Variants in ABHD17B observed in about 807,000 individuals in gnomAD.
ABHD17B encodes abhydrolase domain containing 17B, depalmitoylase.
A neutral mutation model predicts 26.2 loss-of-function variants in ABHD17B; 9 were observed. The ratio of observed to expected loss-of-function variants is 0.34; its 90% CI spans 0.21 to 0.60. The LOEUF (loss-of-function observed/expected upper bound fraction) is 0.60, where lower values mean the gene tolerates loss of function less well. Ranked by LOEUF, ABHD17B falls within the 20% of genes least tolerant of loss-of-function variation. ABHD17B has a pLI of 0.80. For synonymous variants in ABHD17B, 127 were observed against 122.3 expected, an observed-to-expected ratio of 1.04 and a Z score of -0.25; for missense variants, 224 against 352.1, an observed-to-expected ratio of 0.64 and a Z score of 2.91.
In ABHD17B at chr9:71,865,330, T is replaced by C. The variant is rs780947654; in HGVS notation, c.*1457A>G. 1.0e-6 allele frequency: 1 copy of C among 984,714 alleles called. No homozygotes were observed. Among genetic ancestry groups the C allele is most frequent in the Middle Eastern group, 5.2e-4 (1 of 1,912 alleles). 61.0% of individuals were successfully genotyped at this position (984,714 alleles called of 1,614,324 possible). A position where few individuals can be genotyped will look rare whatever the true frequency, so the allele number is the denominator to read the frequency against. On this transcript the variant is annotated 3_prime_UTR_variant, in exon 4 of 4. Transcript: ENST00000333421. ...ATATCCACAGTGTGTATTATTTCCATATTCATTCATTTACAAATTAGACTA... is the reference window on the plus strand; with the variant it reads ...ATATCCACAGTGTGTATTATTTCCACATTCATTCATTTACAAATTAGACTA...
intron 3 of ABHD17B, among the ~76,000 whole-genome samples, chr9:71,867,347 T>G (rs1180219725): frequency 6.6e-6 from 1 of 152,216 alleles, no homozygotes; most frequent in African/African-American, 2.4e-5. Flanking sequence ...CCATTTCAAG[T>G]ATGCGCTAAT....
chr9:71,885,686 G>A (rs1023750637), intron 1 of ABHD17B, among the ~76,000 whole-genome samples: 1 of 152,026 alleles, frequency 6.6e-6, no homozygotes, highest in Admixed American at 6.6e-5. Context: ...CAGCAAAACA[G>A]GAAGACTAAT....
At chr9:71,873,483 C>T (rs1269597932) in intron 2 of ABHD17B, among the ~76,000 whole-genome samples, 2 of 151,970 alleles carry the variant, frequency 1.3e-5, no homozygotes, top group African/African-American at 2.4e-5. Context: ...CTGCAACCTC[C>T]GCCTCCCAGG....
chr9:71,877,891 C>T (rs906305005), intron 1 of ABHD17B, among the ~76,000 whole-genome samples: 2 of 152,142 alleles, frequency 1.3e-5, no homozygotes, highest in African/African-American at 4.8e-5. Context: ...TTAATGCTGA[C>T]AGAATGACTC....
intron 1 of ABHD17B, among the ~76,000 whole-genome samples, chr9:71,880,767 A>G (rs988119754): frequency 7.2e-5 from 11 of 152,074 alleles, no homozygotes; most frequent in African/African-American, 2.4e-4. Context: ...TTTATGCAGA[A>G]AAATTTTAAA....
rs1433268336 is a variant in ABHD17B at position 71,866,883 on chromosome 9, G to A, written c.771C>T (p.Leu257=). The stretch of plus-strand genomic sequence containing the variant: ...CATTGTGACCTGCTCCTTCAACCCA[G>A]AGAGGCTCCACAGGTCTTTGGCAAC... ...FERCQRPVEP[L]WVEGAGHNDV... Residue 257 remains leucine, a synonymous_variant, in exon 4 of 4, where the codon CTC becomes CTT. Coordinates refer to ENST00000333421, the MANE Select transcript of ABHD17B (RefSeq NM_001025780.3). 6.2e-7 allele frequency: 1 copy of A among 1,614,162 alleles called. No individual in the cohort carries two copies. The highest frequency in any genetic ancestry group is 2.2e-5 in the East Asian group (1 of 44,876).
At chr9:71,886,465 G>T (rs1826614022) in intron 1 of ABHD17B, among the ~76,000 whole-genome samples, 1 of 150,710 alleles carries the variant, frequency 6.6e-6, no homozygotes, top group Non-Finnish European at 1.5e-5. Flanking sequence ...ACTACAACTT[G>T]AACAGGAGGT....
intron 1 of ABHD17B, among the ~76,000 whole-genome samples, chr9:71,888,727 G>C (rs1250279962): frequency 6.6e-6 from 1 of 151,818 alleles, no homozygotes; most frequent in Non-Finnish European, 1.5e-5. Flanking sequence ...CCATTTACAG[G>C]TCAATACAGC....
At chr9:71,878,922 G>A (rs980090371) in intron 1 of ABHD17B, among the ~76,000 whole-genome samples, 6 of 152,164 alleles carry the variant, frequency 3.9e-5, no homozygotes, top group African/African-American at 7.2e-5. Flanking sequence ...TTGGGAGGCC[G>A]AGGTAGGAGG....
chr9:71,882,583 G>C (rs967141099), intron 1 of ABHD17B, among the ~76,000 whole-genome samples: 1 of 151,904 alleles, frequency 6.6e-6, no homozygotes, highest in African/African-American at 2.4e-5. Flanking sequence ...GCTTGAACTC[G>C]GGAGGCGGAG....
rs376049461 is a variant in ABHD17B at position 71,869,345 on chromosome 9, T to C, written c.647+738A>G. 6.6e-5 allele frequency among the ~76,000 whole-genome samples: 10 copies of C among 152,218 alleles called. No homozygotes were observed. The East Asian group carries it at 1.4e-3, about 21-fold the overall frequency. On this transcript the variant is annotated intron_variant, in intron 3 of 3. Transcript: ENST00000333421. ...GACTTTGCCTTTGGCCCATCGGCCATTCACAAAAAAAATCCTTTGTATTGC... is the reference window on the plus strand; with the variant it reads ...GACTTTGCCTTTGGCCCATCGGCCACTCACAAAAAAAATCCTTTGTATTGC...
At chr9:71,910,464 C>T (rs904390813) in intron 1 of ABHD17B, among the ~76,000 whole-genome samples, 170 bp downstream of exon 1, 1 of 152,174 alleles carries the variant, frequency 6.6e-6, no homozygotes, top group South Asian at 2.1e-4. Context: ...GAGTGGCTTC[C>T]CCGCCTTTCC....
chr9:71,880,112 T>A (rs1826396554), intron 1 of ABHD17B, among the ~76,000 whole-genome samples: 1 of 151,754 alleles, frequency 6.6e-6, no homozygotes, highest in Non-Finnish European at 1.5e-5. Context: ...ACTTCTTGAG[T>A]AATATAAAAG....
downstream of ABHD17B, among the ~76,000 whole-genome samples, chr9:71,863,407 G>A (rs532505583): frequency 6.6e-6 from 1 of 152,290 alleles, no homozygotes; most frequent in East Asian, 1.9e-4. Context: ...TGCAGATCTA[G>A]TCACTGTTAG....
At chr9:71,884,485 A>G (rs1254855298) in intron 1 of ABHD17B, among the ~76,000 whole-genome samples, 1 of 152,164 alleles carries the variant, frequency 6.6e-6, no homozygotes, top group African/African-American at 2.4e-5. Context: ...GTATTGGGTG[A>G]AAAAAGTAAG....
rs563004240 is a variant in ABHD17B at position 71,867,116 on chromosome 9, T to C, written c.648-110A>G. The C allele has an allele frequency of 1.2e-5, 16 of 1,351,962 alleles. No homozygotes were observed. In the Middle Eastern group the frequency reaches 7.2e-4, roughly 61 times the overall value. 83.7% of individuals were successfully genotyped at this position (1,351,962 alleles called of 1,614,324 possible). ...CAAATATGAGAATTGTATGAATCAGTTCAGAAGGTAAGAATGTCTCCTGAA... is the reference window on the plus strand; with the variant it reads ...CAAATATGAGAATTGTATGAATCAGCTCAGAAGGTAAGAATGTCTCCTGAA... On this transcript the variant is annotated intron_variant, in intron 3 of 3. Coordinates refer to ENST00000333421, the MANE Select transcript of ABHD17B (RefSeq NM_001025780.3).
chr9:71,898,952 C>T lies in ABHD17B; in HGVS notation c.-4+11682G>A, dbSNP rs572805124. On this transcript the variant is annotated intron_variant, in intron 1 of 3. Transcript: ENST00000333421. ...AAGCCTGGCCAACATGGTGAAACCA[C>T]ATCTCTACTAAAAATACAAAAATAA... Among the ~76,000 whole-genome samples, 168 of 152,136 alleles carry T rather than the reference C, an allele frequency of 1.1e-3. 2 individuals are homozygous for T. The highest frequency in any genetic ancestry group is 3.9e-3 in the African/African-American group (161 of 41,504).
At chr9:71,872,691 A>T (rs1012665385) in intron 2 of ABHD17B, among the ~76,000 whole-genome samples, 29 of 152,128 alleles carry the variant, frequency 1.9e-4, no homozygotes, top group Non-Finnish European at 4.0e-4. Flanking sequence ...TATAGTTGTT[A>T]TACGTTATTC....
intron 1 of ABHD17B, among the ~76,000 whole-genome samples, chr9:71,878,719 G>A (rs1339411221): frequency 2.0e-5 from 3 of 152,114 alleles, no homozygotes; most frequent in Non-Finnish European, 2.9e-5. Flanking sequence ...CAAGATGGGA[G>A]GACCACTTAA....
Sources: allele counts gnomAD v4.1 joint callset (sites outside exome capture counted in the v4.1 genomes callset), GRCh38; gene constraint gnomAD v4.1.1; transcripts MANE v1.5; gene names NCBI Gene and HGNC (gene_info 2026-07-23, HGNC 2026-07-21).